ANK1: variants seen among roughly 807,000 people sequenced by gnomAD.
ANK1 encodes ankyrin 1.
A neutral mutation model predicts 210.4 loss-of-function variants in ANK1; 51 were observed. The observed-to-expected ratio is 0.24, with a 90% CI of 0.19 to 0.31. ANK1 has a LOEUF of 0.31. ANK1 is among the 10% of genes least tolerant of loss of function. The pLI, the probability that ANK1 is intolerant of heterozygous loss-of-function variation, is 1.00. For missense variants in ANK1, 2,051 were observed against 2,504.4 expected (o/e 0.82, Z 3.86); for synonymous variants, 967 against 1,025.9 (o/e 0.94, Z 1.10).
At chr8:41,716,141 C>T (rs1350395252) in intron 13 of ANK1, among the ~76,000 whole-genome samples, 1 of 152,164 alleles carries the variant, frequency 6.6e-6, no homozygotes, top group African/African-American at 2.4e-5. Flanking sequence ...CGTCTACTTG[C>T]TAGGGCTCAG....
In ANK1 at chr8:41,714,964, G is replaced by A; in HGVS notation, c.1701+12C>T. On this transcript the variant is annotated intron_variant, in intron 15 of 42. Coordinates refer to ENST00000289734, the MANE Select transcript of ANK1 (RefSeq NM_000037.4). ...CCTGAGAGCTGCAGGGGAGGGCAGG[G>A]TTCAAACTCACTTTTCCGGCAGCAT... The A allele has an allele frequency of 6.2e-7, 1 of 1,613,976 alleles. No individual in the cohort carries two copies. Among genetic ancestry groups the A allele is most frequent in the East Asian group, 2.2e-5 (1 of 44,888 alleles).
In ANK1 at chr8:41,655,365, A is replaced by G. The variant is rs1487818919; in HGVS notation, c.*425T>C. ...GATTTCTGACAGATGAGGTTGGGAA[A>G]AAGTACCCTGTACGAAGTCAAAACA... is the stretch of plus-strand genomic sequence containing the variant. On this transcript the variant is annotated 3_prime_UTR_variant, in exon 43 of 43. Coordinates refer to ENST00000289734, the MANE Select transcript of ANK1 (RefSeq NM_000037.4). 1 of 208,928 alleles carries G rather than the reference A, an allele frequency of 4.8e-6. No individual in the cohort carries two copies. The highest frequency in any genetic ancestry group is 9.5e-6 in the Non-Finnish European group (1 of 104,950). The allele number at this position is 208,928 out of a possible 1,614,324, so 12.9% of individuals were successfully genotyped here. A position where few individuals can be genotyped will look rare whatever the true frequency, so the allele number is the denominator to read the frequency against.
chr8:41,703,450 ATTT>A (rs58196949), intron 20 of ANK1, among the ~76,000 whole-genome samples: 11,990 of 58,302 alleles, frequency 0.21, 1,412 homozygotes, highest in South Asian at 0.26. Context: ...ATATATATAT[ATTT>A]TTTTTTTTTT....
chr8:41,701,767 G>A (rs1391836829), intron 21 of ANK1, 145 bp from the exon 22 acceptor site: 13 of 910,222 alleles, frequency 1.4e-5, no homozygotes, highest in Non-Finnish European at 2.1e-5. Context: ...GGAAGCTGCC[G>A]GGCAGGAACC....
At chr8:41,714,769 G>A (rs751020722) in intron 15 of ANK1, among the ~76,000 whole-genome samples, 5 of 152,108 alleles carry the variant, frequency 3.3e-5, no homozygotes, top group African/African-American at 7.2e-5. Flanking sequence ...ACTGACACTC[G>A]AGGATGGCTT....
intron 1 of ANK1, among the ~76,000 whole-genome samples, chr8:41,830,580 G>A (rs1806405949): frequency 6.6e-6 from 1 of 152,134 alleles, no homozygotes; most frequent in African/African-American, 2.4e-5. Context: ...CCCAGGGAGT[G>A]TCAGGAACTG....
intron 1 of ANK1, among the ~76,000 whole-genome samples, chr8:41,880,472 G>A (rs192924772): frequency 3.3e-5 from 5 of 152,280 alleles, no homozygotes; most frequent in East Asian, 1.9e-4. Context: ...TGTGAACCCC[G>A]GGAAAGCAGC....
intron 37 of ANK1, 142 bp from the exon 38 acceptor site, chr8:41,673,054 T>C: frequency 1.1e-6 from 1 of 906,388 alleles, no homozygotes; most frequent in Non-Finnish European, 1.7e-6. Context: ...GGTTGGGGGC[T>C]TTCCAAGCTC....
chr8:41,720,916 G>T (rs1563557433), intron 9 of ANK1, among the ~76,000 whole-genome samples: 4 of 152,200 alleles, frequency 2.6e-5, no homozygotes, highest in Non-Finnish European at 5.9e-5. Context: ...TCAGGCTGGA[G>T]AGGAGGCTGG....
rs1480924314 is a variant in ANK1, at chr8:41,696,534, C to T, written c.2789G>A (p.Arg930His). The change falls in exon 26 of 43, where the codon CGC (arginine) becomes CAC (histidine). Residue 930 changes from arginine (R) to histidine (H), a missense_variant. Arg to His is a conservative substitution (Grantham distance 29). Transcript: ENST00000289734. ...GATCACCACTCGCAGGCCGTTGTGG[C>T]GACTTCCTCTCATGGAACCACCCCG... ...DARGGSMRGS[R>H]HNGLRVVIPP... The T allele has an allele frequency of 1.9e-6, 3 of 1,613,698 alleles. No homozygotes were observed. The highest frequency in any genetic ancestry group is 2.5e-6 in the Non-Finnish European group (3 of 1,180,028).
At chr8:41,825,725 A>G (rs1390451989) in intron 1 of ANK1, among the ~76,000 whole-genome samples, 1 of 152,112 alleles carries the variant, frequency 6.6e-6, no homozygotes, top group Admixed American at 6.5e-5. Flanking sequence ...ATGTTGTGGG[A>G]GGGACCCGGT....
intron 42 of ANK1, chr8:41,660,586 G>A (rs570495619): frequency 2.4e-4 from 106 of 447,156 alleles, no homozygotes; most frequent in South Asian, 1.4e-3. Context: ...GTCGCACAGC[G>A]TCTTCATGTC....
At chr8:41,730,764 G>A (rs1403513431) in intron 3 of ANK1, among the ~76,000 whole-genome samples, 3 of 152,196 alleles carry the variant, frequency 2.0e-5, no homozygotes, top group Non-Finnish European at 4.4e-5. Context: ...AGCTCCAAGT[G>A]GCATCTTCTG....
rs567323747 is a variant in ANK1 at position 41,684,650 on chromosome 8, G to T, written c.4431C>A (p.Gly1477=). 6.2e-7 allele frequency: 1 copy of T among 1,613,822 alleles called. No homozygotes were observed. Among genetic ancestry groups the T allele is most frequent in the South Asian group, 1.1e-5 (1 of 91,084 alleles). The change falls in exon 37 of 43, where the codon GGC becomes GGA. Residue 1477 remains glycine, a synonymous_variant. Transcript: ENST00000289734. ...AACCCTCCAGCATGTTCACGATCTCGCCACGGTCAATGCTCTGCAGGGCTG... is the reference window on the plus strand; with the variant it reads ...AACCCTCCAGCATGTTCACGATCTCTCCACGGTCAATGCTCTGCAGGGCTG... ...LYTALQSIDR[G]EIVNMLEGSG... is the part of the protein sequence containing the mutation.
intron 1 of ANK1, among the ~76,000 whole-genome samples, chr8:41,808,517 T>C (rs1214638274): frequency 6.6e-6 from 1 of 151,772 alleles, no homozygotes; most frequent in Non-Finnish European, 1.5e-5. Flanking sequence ...ATATAAAAAT[T>C]AGCCAGGTGT....
At position 41,741,844 on chromosome 8, in the gene ANK1, C is replaced by T. The variant is rs562242447; in HGVS notation, c.130-7775G>A. ...TTCTGCATCCTACATACTCCCTGTA[C>T]TGAGCCCTTAAGGCCAGCTGTCCCC... On this transcript the variant is annotated intron_variant, in intron 2 of 42. Transcript: ENST00000289734. 1.4e-4 allele frequency among the ~76,000 whole-genome samples: 21 copies of T among 152,354 alleles called. No individual in the cohort carries two copies. The South Asian group carries it at 3.5e-3, about 26-fold the overall frequency.
chr8:41,786,524 C>T (rs1846434152), intron 1 of ANK1, among the ~76,000 whole-genome samples: 1 of 152,226 alleles, frequency 6.6e-6, no homozygotes, highest in African/African-American at 2.4e-5. Flanking sequence ...GGGACAAGCC[C>T]CCAGTGGCCA....
chr8:41,696,436 G>A lies in ANK1; in HGVS notation c.2887C>T (p.Pro963Ser), dbSNP rs759562271. ...AGGCCCTCCTCCTCGGCCAGTGGGG[G>A]CGGCGTGCTGAGCTTCTGGGGCTTG... ...LVKPQKLSTP[P>S]PLAEEEGLAS... The change falls in exon 26 of 43, where the codon CCC becomes TCC. Residue 963 changes from proline (P) to serine (S), a missense_variant. By Grantham distance (74) the Pro-to-Ser change is moderately conservative. Coordinates refer to ENST00000289734, the MANE Select transcript of ANK1 (RefSeq NM_000037.4). 1.2e-6 allele frequency: 2 copies of A among 1,613,260 alleles called. No homozygotes were observed. The highest frequency in any genetic ancestry group is 1.1e-5 in the South Asian group (1 of 91,056).
At chr8:41,662,015 T>C (rs1388289657) in intron 40 of ANK1, 74 bp from the exon 41 acceptor site, 1 of 1,551,452 alleles carries the variant, frequency 6.4e-7, no homozygotes, top group African/African-American at 1.4e-5. Context: ...TCTCAGCACT[T>C]TGGGAGGCTG....
Sources: allele counts gnomAD v4.1 joint callset (sites outside exome capture counted in the v4.1 genomes callset), GRCh38; gene constraint gnomAD v4.1.1; transcripts MANE v1.5; gene names NCBI Gene and HGNC (gene_info 2026-07-23, HGNC 2026-07-21).